NFIA: variants seen among roughly 807,000 people sequenced by gnomAD.
NFIA encodes nuclear factor 1 A-type.
A neutral mutation model predicts 62.8 loss-of-function variants in NFIA; 8 were observed. The ratio of observed to expected loss-of-function variants is 0.13; its 90% CI spans 0.07 to 0.23. The LOEUF (loss-of-function observed/expected upper bound fraction) is 0.23. Among genes scored for constraint, NFIA ranks in the 10% least tolerant of loss-of-function variants. The pLI is 1.00. For synonymous variants in NFIA, 235 were observed against 238.1 expected (o/e 0.99, Z 0.12); for missense variants, 410 against 642.1 (o/e 0.64, Z 3.91).
chr1:61,274,295 A>C (rs563681238), intron 2 of NFIA, among the ~76,000 whole-genome samples: 73 of 152,330 alleles, frequency 4.8e-4, no homozygotes, highest in Non-Finnish European at 8.7e-4. Flanking sequence ...ATTTTTTAAA[A>C]ATCCAAAGAA....
chr1:61,434,351 A>C (rs1161562755), intron 10 of NFIA, among the ~76,000 whole-genome samples: 1 of 152,074 alleles, frequency 6.6e-6, no homozygotes, highest in African/African-American at 2.4e-5. Flanking sequence ...CCCTCCCTCC[A>C]TACTACTGTG....
chr1:61,427,879 A>G (rs1479433024), intron 10 of NFIA, among the ~76,000 whole-genome samples: 1 of 152,224 alleles, frequency 6.6e-6, no homozygotes, highest in Non-Finnish European at 1.5e-5. Context: ...TTATTTGCTT[A>G]TTCTCCCATA....
chr1:61,208,814 C>T (rs543930606), intron 2 of NFIA, among the ~76,000 whole-genome samples: 13 of 152,118 alleles, frequency 8.5e-5, no homozygotes, highest in African/African-American at 3.1e-4. Flanking sequence ...AAGCTTTAAA[C>T]TTTTAATAAA....
Position 61,284,550 on chromosome 1 carries a change from C to T in NFIA, c.625+6965C>T, listed in dbSNP as rs142637965. Among the ~76,000 whole-genome samples, 1,251 of 149,732 alleles carry T rather than the reference C, an allele frequency of 8.4e-3. 15 individuals are homozygous for T. Among genetic ancestry groups the T allele is most frequent in the African/African-American group, 0.028 (1,124 of 40,414 alleles). ...GCCACGGGATCCAGTGTACTTAAGG[C>T]GCCTTTTCAACTGAAAAATGGGGGG... On this transcript the variant is annotated intron_variant, in intron 3 of 10. Transcript: ENST00000403491.
intron 2 of NFIA, among the ~76,000 whole-genome samples, chr1:61,104,922 C>CA (rs1646569875): frequency 1.3e-5 from 2 of 151,654 alleles, no homozygotes; most frequent in Admixed American, 1.3e-4. Context: ...GAGCAATCAC[C>CA]AAAAATATTG....
intron 7 of NFIA, among the ~76,000 whole-genome samples, chr1:61,396,547 G>A (rs1028841364): frequency 2.6e-5 from 4 of 152,056 alleles, no homozygotes; most frequent in Non-Finnish European, 5.9e-5. Context: ...ACACCCAGCC[G>A]AAAAGTATTT....
intron 2 of NFIA, among the ~76,000 whole-genome samples, chr1:61,184,389 T>C (rs1651005594): frequency 6.6e-6 from 1 of 152,238 alleles, no homozygotes; most frequent in African/African-American, 2.4e-5. Flanking sequence ...ACTTGCTACC[T>C]CCACAGAGTA....
chr1:61,338,814 G>C (rs947704362), intron 4 of NFIA, among the ~76,000 whole-genome samples: 1 of 152,222 alleles, frequency 6.6e-6, no homozygotes, highest in East Asian at 1.9e-4. Flanking sequence ...CTTAATTAAA[G>C]TGGGATAGAT....
chr1:61,125,223 A>G (rs1646947889), intron 2 of NFIA: 1 of 152,154 alleles, frequency 6.6e-6, no homozygotes, highest in Non-Finnish European at 1.5e-5. Flanking sequence ...TTGTTTATGA[A>G]TGGCCAATAA....
At chr1:61,294,370 C>T (rs1430598297) in intron 3 of NFIA, among the ~76,000 whole-genome samples, 2 of 152,188 alleles carry the variant, frequency 1.3e-5, no homozygotes, top group East Asian at 1.9e-4. Context: ...CATTGTAGAA[C>T]TGAGAGCCTT....
intron 9 of NFIA, among the ~76,000 whole-genome samples, chr1:61,416,149 G>C (rs548441535): frequency 2.0e-5 from 3 of 152,236 alleles, no homozygotes; most frequent in African/African-American, 7.2e-5. Context: ...TTTACTCCAG[G>C]GAAAGGGGCA....
intron 2 of NFIA, among the ~76,000 whole-genome samples, chr1:61,185,147 G>A (rs2100567048): frequency 6.6e-6 from 1 of 152,150 alleles, no homozygotes; most frequent in East Asian, 1.9e-4. Context: ...TTTGCACCCT[G>A]ACATGTGTTA....
At chr1:61,265,381 C>G (rs1657094406) in intron 2 of NFIA, among the ~76,000 whole-genome samples, 1 of 152,182 alleles carries the variant, frequency 6.6e-6, no homozygotes, top group Non-Finnish European at 1.5e-5. Flanking sequence ...AAATGATTCA[C>G]TTACATCATT....
At chr1:61,234,448 C>G (rs1303121003) in intron 2 of NFIA, among the ~76,000 whole-genome samples, 4 of 151,124 alleles carry the variant, frequency 2.6e-5, no homozygotes, top group Non-Finnish European at 5.9e-5. Context: ...GCTGATAATC[C>G]TTGCGTTATG....
chr1:61,458,647 C>A lies in NFIA; in HGVS notation c.*3327C>A, dbSNP rs182562420. ...ATTGCTTTTCTTTCTTTTTACCCCC[C>A]CTTTGGGAACTGGATTTAAGTTTAA... On this transcript the variant is annotated 3_prime_UTR_variant, in exon 11 of 11. Transcript: ENST00000403491. 5.3e-5 allele frequency: 8 copies of A among 150,438 alleles called. No homozygotes were observed. Among genetic ancestry groups the A allele is most frequent in the Admixed American group, 2.0e-4 (3 of 15,162 alleles). 9.3% of individuals were successfully genotyped at this position (150,438 alleles called of 1,614,324 possible). A position where few individuals can be genotyped will look rare whatever the true frequency, so the allele number is the denominator to read the frequency against.
intron 7 of NFIA, among the ~76,000 whole-genome samples, chr1:61,394,130 G>T (rs2474388): frequency 0.65 from 98,827 of 152,036 alleles, 33,711 homozygotes; most frequent in East Asian, 0.94. Flanking sequence ...GTACATTAAT[G>T]CTAATCCTCA....
intron 2 of NFIA, among the ~76,000 whole-genome samples, chr1:61,226,579 G>T (rs925748175): frequency 2.6e-5 from 4 of 152,098 alleles, no homozygotes; most frequent in Non-Finnish European, 5.9e-5. Context: ...TGGTTGAAAA[G>T]GGATCTGCAA....
Position 61,088,775 on chromosome 1 carries a change from G to C in NFIA, c.559+95G>C, listed in dbSNP as rs878940940. ...GCCGGATTCTTCCTGAGCTCCCCAA[G>C]TTGCAGGCCACGTACATGAAGCCAG... is the stretch of plus-strand genomic sequence containing the variant. On this transcript the variant is annotated intron_variant, in intron 2 of 10. Coordinates refer to ENST00000403491, the MANE Select transcript of NFIA (RefSeq NM_001134673.4). This position sits in a 1 kb window ranked among gnomAD's most constrained non-coding sequence, Gnocchi z 4.5. 1.3e-4 allele frequency: 187 copies of C among 1,398,272 alleles called. 2 individuals are homozygous for C. In the South Asian group the frequency reaches 2.5e-3, roughly 19 times the overall value. 86.6% of individuals were successfully genotyped at this position (1,398,272 alleles called of 1,614,324 possible).
At position 61,347,481 on chromosome 1, in the gene NFIA, T is replaced by C. The variant is rs190241367; in HGVS notation, c.701-4969T>C. ...AGCCACCGTGCCCGGCCCACTTTGC[T>C]TCTTATCTCCAAACTTATGCACATA... is the stretch of plus-strand genomic sequence containing the variant. On this transcript the variant is annotated intron_variant, in intron 4 of 10. Coordinates refer to ENST00000403491, the MANE Select transcript of NFIA (RefSeq NM_001134673.4). 3.3e-5 allele frequency among the ~76,000 whole-genome samples: 5 copies of C among 152,256 alleles called. No individual in the cohort carries two copies. In the East Asian group the frequency reaches 9.7e-4, roughly 29 times the overall value.
Sources: gnomAD v4.1 joint callset for allele counts (sites outside exome capture counted in the v4.1 genomes callset) on GRCh38, gnomAD v4.1.1 for gene constraint, Gnocchi (gnomAD v3.1) non-coding constraint, MANE v1.5 for transcripts, NCBI Gene and HGNC (gene_info 2026-07-23, HGNC 2026-07-21) for gene names.